The following WDPCP variants were observed in gnomAD, a reference collection of about 807,000 sequenced individuals.
WDPCP encodes the protein WD repeat containing planar cell polarity effector, also known as WD repeat-containing and planar cell polarity effector protein fritz homolog.
Under a neutral mutation model 93.1 loss-of-function variants are expected in WDPCP, and 71 were observed. That is an observed-to-expected ratio of 0.76 (90% confidence interval 0.63 to 0.93). The LOEUF is 0.93. Ranked by LOEUF, WDPCP falls within the 40% of genes least tolerant of loss-of-function variation. The pLI is 0.00. For missense variants in WDPCP, 844 were observed against 887.4 expected (o/e 0.95, Z 0.62); for synonymous variants, 315 against 315.0 (o/e 1.00, Z 0.00).
chr2:63,371,221 T>C (rs1278349767), intron 12 of WDPCP, among the ~76,000 whole-genome samples: 1 of 152,158 alleles, frequency 6.6e-6, no homozygotes. Flanking sequence ...TTCTCTATTA[T>C]ATTCTTTGTC....
At chr2:63,446,371 T>A (rs1367743090) in intron 6 of WDPCP, among the ~76,000 whole-genome samples, 1 of 152,170 alleles carries the variant, frequency 6.6e-6, no homozygotes, top group South Asian at 2.1e-4. Flanking sequence ...TGGGGATGAT[T>A]TTGGCCACCA....
intron 2 of WDPCP, among the ~76,000 whole-genome samples, chr2:63,731,942 G>C (rs1024683406): frequency 1.3e-5 from 2 of 152,208 alleles, no homozygotes; most frequent in Non-Finnish European, 2.9e-5. Flanking sequence ...GATTTTCTCT[G>C]TAAGACTATG....
rs964341240 is a variant in WDPCP at position 63,752,838 on chromosome 2, GC to G, written n.308+60783del. Among the ~76,000 whole-genome samples, 123 of 151,858 alleles carry G rather than the reference GC, an allele frequency of 8.1e-4. 1 individual carries two copies. Among genetic ancestry groups the G allele is most frequent in the African/African-American group, 2.7e-3 (113 of 41,402 alleles). On this transcript the variant is annotated intron_variant and non_coding_transcript_variant, in intron 2 of 4. Transcript: ENST00000467687. ...CTCCTGAGTAGCTGGGATTACAGGC[GC>G]CCACCACCAGCCCAGTTAATTTTTG...
chr2:63,582,798 T>A (rs1708581090), intron 1 of WDPCP, among the ~76,000 whole-genome samples: 1 of 152,056 alleles, frequency 6.6e-6, no homozygotes, highest in African/African-American at 2.4e-5. Flanking sequence ...AAGAAAAAAC[T>A]ATCAATCTAG....
chr2:63,781,479 ATT>A, intron 2 of WDPCP, among the ~76,000 whole-genome samples: 1 of 152,264 alleles, frequency 6.6e-6, no homozygotes, highest in Middle Eastern at 3.4e-3. Flanking sequence ...GCAGTTTGTC[ATT>A]TCATTCATTC....
chr2:63,840,290 C>T, the WDPCP span, among the ~76,000 whole-genome samples: 1 of 152,226 alleles, frequency 6.6e-6, no homozygotes, highest in South Asian at 2.1e-4. Flanking sequence ...AGTCCCCAGG[C>T]TAGTGTCAAG....
intron 13 of WDPCP, among the ~76,000 whole-genome samples, chr2:63,294,688 T>C (rs1052293056): frequency 6.6e-6 from 1 of 151,734 alleles, no homozygotes; most frequent in Non-Finnish European, 1.5e-5. Flanking sequence ...GGGAGTCCTG[T>C]AGGGTGAAAT....
At chr2:63,318,725 G>C (rs72896185) in intron 12 of WDPCP, among the ~76,000 whole-genome samples, 5,727 of 152,156 alleles carry the variant, frequency 0.038, 378 homozygotes, top group African/African-American at 0.13. Flanking sequence ...AGTACACAGG[G>C]ACACAAAGAA....
intron 2 of WDPCP, among the ~76,000 whole-genome samples, chr2:63,666,729 A>G (rs1023815294): frequency 2.0e-5 from 3 of 151,726 alleles, no homozygotes; most frequent in Admixed American, 6.6e-5. Context: ...CTACCCCACC[A>G]TTTTCATCTG....
chr2:63,597,424 C>A, intron 3 of WDPCP: 1 of 1,445,302 alleles, frequency 6.9e-7, no homozygotes, highest in Non-Finnish European at 9.2e-7. Flanking sequence ...ATAAAGAAGA[C>A]GTTGCCTTCA....
chr2:63,485,012 G>A (rs750606504), intron 4 of WDPCP, 25 bp from the exon 5 acceptor site: 2 of 1,611,652 alleles, frequency 1.2e-6, no homozygotes, highest in Non-Finnish European at 1.7e-6. Flanking sequence ...ATGTACTACA[G>A]TTAGTTAAAC....
chr2:63,437,769 A>G (rs1305353112), intron 7 of WDPCP: 3 of 1,336,280 alleles, frequency 2.2e-6, no homozygotes, highest in Non-Finnish European at 2.1e-6. Flanking sequence ...TCCTGTGACT[A>G]TTTCAATATA....
chr2:63,138,166 C>T (rs540726564), intron 17 of WDPCP, among the ~76,000 whole-genome samples: 2 of 147,650 alleles, frequency 1.4e-5, no homozygotes, highest in South Asian at 4.3e-4. Context: ...TAAAAAATTG[C>T]ACTGCAGTGA....
intron 2 of WDPCP, among the ~76,000 whole-genome samples, chr2:63,723,643 C>G (rs922541712): frequency 2.6e-5 from 4 of 151,238 alleles, no homozygotes; most frequent in Non-Finnish European, 5.9e-5. Flanking sequence ...GGACAGTACT[C>G]AAGTTTACCT....
At chr2:63,305,267 G>C (rs1211402239) in intron 13 of WDPCP, among the ~76,000 whole-genome samples, 1 of 152,150 alleles carries the variant, frequency 6.6e-6, no homozygotes, top group African/African-American at 2.4e-5. Context: ...GCCTCCTCAA[G>C]TGTGCCCCTG....
chr2:63,139,618 C>G (rs1254153814), intron 17 of WDPCP, among the ~76,000 whole-genome samples: 1 of 152,036 alleles, frequency 6.6e-6, no homozygotes, highest in Non-Finnish European at 1.5e-5. Flanking sequence ...TGTATATGTT[C>G]TTTTGAGAAT....
chr2:63,300,485 C>T (rs1685245555), intron 13 of WDPCP, among the ~76,000 whole-genome samples: 3 of 152,170 alleles, frequency 2.0e-5, no homozygotes, highest in African/African-American at 7.2e-5. Flanking sequence ...AATATTTCTT[C>T]TGGCCAGAGC....
intron 13 of WDPCP, among the ~76,000 whole-genome samples, chr2:63,302,689 A>T (rs1005858963): frequency 1.3e-5 from 2 of 152,206 alleles, no homozygotes; most frequent in Admixed American, 6.5e-5. Context: ...TTAATGAAAA[A>T]GGATTTGTGA....
chr2:63,244,120 C>T (rs1369060527), intron 14 of WDPCP, among the ~76,000 whole-genome samples: 1 of 152,142 alleles, frequency 6.6e-6, no homozygotes, highest in African/African-American at 2.4e-5. Context: ...AAACAACTTA[C>T]TCTTGAATTA....
Sources: allele counts gnomAD v4.1 joint callset (sites outside exome capture counted in the v4.1 genomes callset), GRCh38; gene constraint gnomAD v4.1.1; transcripts MANE v1.5; gene names NCBI Gene and HGNC (gene_info 2026-07-23, HGNC 2026-07-21).